PRR16: variants seen among roughly 807,000 people sequenced by gnomAD.
The protein encoded by PRR16 is proline rich 16, also known as protein Largen.
In PRR16, 6 loss-of-function variants were observed where a neutral mutation model predicts 18.2. That is an observed-to-expected ratio of 0.33 (90% CI 0.18 to 0.65). PRR16 has a LOEUF of 0.65. PRR16 is among the 30% of genes least tolerant of loss of function. The pLI, the probability that PRR16 is intolerant of heterozygous loss-of-function variation, is 0.74. For synonymous variants in PRR16, 151 were observed against 147.8 expected (o/e 1.02, Z -0.16); for missense variants, 412 against 376.6 (o/e 1.09, Z -0.78).
At chr5:120,547,559 A>ATT (rs569445284) in intron 1 of PRR16, among the ~76,000 whole-genome samples, 52 of 145,476 alleles carry the variant, frequency 3.6e-4, no homozygotes, top group Non-Finnish European at 7.0e-4. Context: ...ATGCATTTTC[A>ATT]TTTTTTTTTT....
At chr5:120,769,952 G>T in the PRR16 span, among the ~76,000 whole-genome samples, 1 of 151,920 alleles carries the variant, frequency 6.6e-6, no homozygotes, top group East Asian at 1.9e-4. Flanking sequence ...TCATTTCTTT[G>T]ATAATGAGGT....
At chr5:120,738,155 A>T in the PRR16 span, among the ~76,000 whole-genome samples, 1 of 152,026 alleles carries the variant, frequency 6.6e-6, no homozygotes, top group Non-Finnish European at 1.5e-5. Context: ...TATAGGAAAT[A>T]ATATATTTAA....
At position 120,586,380 on chromosome 5, in the gene PRR16, G is replaced by T. The variant is rs191896919; in HGVS notation, c.160-99574G>T. Among the ~76,000 whole-genome samples the T allele has an allele frequency of 3.9e-3, 592 of 152,016 alleles. 2 individuals carry two copies. The highest frequency in any genetic ancestry group is 0.014 in the African/African-American group (570 of 41,462). On this transcript the variant is annotated intron_variant, in intron 1 of 1. Transcript: ENST00000407149. ...TAAATTATCTTCTAAAGTAATACTG[G>T]CATACCTCATTTTATTACGATTCAC...
At chr5:120,559,480 G>C (rs896426335) in intron 1 of PRR16, among the ~76,000 whole-genome samples, 1 of 151,644 alleles carries the variant, frequency 6.6e-6, no homozygotes, top group Non-Finnish European at 1.5e-5. Context: ...GTGTGGATTT[G>C]TTTCTGGGGT....
chr5:120,683,695 T>A (rs906062648), intron 1 of PRR16, among the ~76,000 whole-genome samples: 35 of 152,144 alleles, frequency 2.3e-4, no homozygotes, highest in African/African-American at 7.5e-4. Context: ...GGTTCAGTAA[T>A]GTCACATGAC....
chr5:120,535,255 A>G (rs1751678022), intron 1 of PRR16, among the ~76,000 whole-genome samples: 1 of 152,128 alleles, frequency 6.6e-6, no homozygotes, highest in Non-Finnish European at 1.5e-5. Context: ...AAAACTTTTT[A>G]TTTTGAAAGG....
At chr5:120,633,795 C>T (rs931632060) in intron 1 of PRR16, among the ~76,000 whole-genome samples, 3 of 11,860 alleles carry the variant, frequency 2.5e-4, no homozygotes, top group African/African-American at 3.9e-4. Context: ...ATTTGTAAAA[C>T]AGTTACTACT....
chr5:120,657,365 A>G (rs982250680), intron 1 of PRR16, among the ~76,000 whole-genome samples: 1 of 150,816 alleles, frequency 6.6e-6, no homozygotes, highest in African/African-American at 2.4e-5. Flanking sequence ...GCCAGCTCAT[A>G]GGGGGCTTGT....
intron 1 of PRR16, among the ~76,000 whole-genome samples, chr5:120,528,255 C>T (rs752775616): frequency 1.3e-5 from 2 of 152,118 alleles, no homozygotes; most frequent in Non-Finnish European, 2.9e-5. Flanking sequence ...GCTTTTTGAA[C>T]TAAGTCAGCA....
chr5:120,495,144 A>G (rs1750201408), intron 1 of PRR16, among the ~76,000 whole-genome samples: 1 of 152,108 alleles, frequency 6.6e-6, no homozygotes, highest in African/African-American at 2.4e-5. Flanking sequence ...AGTTAGAGAA[A>G]TTGTATACTT....
intron 1 of PRR16, among the ~76,000 whole-genome samples, chr5:120,657,120 A>G (rs1409959976): frequency 6.6e-6 from 1 of 151,966 alleles, no homozygotes; most frequent in Non-Finnish European, 1.5e-5. Flanking sequence ...TAACTTGCTG[A>G]GTTCTTAGTA....
the PRR16 span, among the ~76,000 whole-genome samples, chr5:120,728,612 T>G: frequency 6.6e-6 from 1 of 152,282 alleles, no homozygotes; most frequent in African/African-American, 2.4e-5. Context: ...TTGTTTTCTC[T>G]TGGGAATTTA....
the PRR16 span, among the ~76,000 whole-genome samples, chr5:120,768,267 A>T: frequency 8.6e-4 from 130 of 151,840 alleles, 1 homozygote; most frequent in Non-Finnish European, 1.6e-3. Context: ...AAAATGCACC[A>T]CACAATATAA....
At chr5:120,766,055 C>T in the PRR16 span, among the ~76,000 whole-genome samples, 1 of 151,974 alleles carries the variant, frequency 6.6e-6, no homozygotes, top group Admixed American at 6.6e-5. Context: ...CTATTATAAA[C>T]AGTAATGCTG....
intron 1 of PRR16, among the ~76,000 whole-genome samples, chr5:120,621,775 C>G (rs1191998801): frequency 6.6e-6 from 1 of 152,124 alleles, no homozygotes; most frequent in East Asian, 1.9e-4. Flanking sequence ...TCCCCCTGGC[C>G]TTCACCATGA....
chr5:120,778,171 GAAT>G, the PRR16 span, among the ~76,000 whole-genome samples: 2 of 152,018 alleles, frequency 1.3e-5, no homozygotes, highest in African/African-American at 4.8e-5. Context: ...TAATTTACAA[GAAT>G]AATAGGTGTT....
chr5:120,478,928 T>C (rs1749525041), intron 1 of PRR16, among the ~76,000 whole-genome samples: 1 of 152,094 alleles, frequency 6.6e-6, no homozygotes, highest in African/African-American at 2.4e-5. Context: ...AAATGGATAT[T>C]GGATATAGTT....
At chr5:120,564,863 G>C (rs1306831591) in intron 1 of PRR16, among the ~76,000 whole-genome samples, 1 of 152,026 alleles carries the variant, frequency 6.6e-6, no homozygotes, top group Non-Finnish European at 1.5e-5. Flanking sequence ...GCGGGCGCCT[G>C]TAGTCCCAGC....
the PRR16 span, among the ~76,000 whole-genome samples, chr5:120,760,235 T>C: frequency 1.3e-5 from 2 of 152,158 alleles, no homozygotes; most frequent in African/African-American, 4.8e-5. Flanking sequence ...ATGAGCCATG[T>C]TGTAATGGAT....
Sources: allele counts gnomAD v4.1 joint callset (sites outside exome capture counted in the v4.1 genomes callset), GRCh38; gene constraint gnomAD v4.1.1; transcripts MANE v1.5; gene names NCBI Gene and HGNC (gene_info 2026-07-23, HGNC 2026-07-21).